TENM2: variants seen among roughly 807,000 people sequenced by gnomAD.
TENM2 encodes the protein teneurin-2.
A neutral mutation model predicts 245.2 loss-of-function variants in TENM2; 52 were observed. That is an observed-to-expected ratio of 0.21 (90% CI 0.17 to 0.27). TENM2 has a LOEUF of 0.27. Ranked by LOEUF, TENM2 falls within the 10% of genes least tolerant of loss-of-function variation. The probability of loss-of-function intolerance (pLI) is 1.00; values close to 1 mark genes in which losing one functional copy is unlikely to be tolerated. For synonymous variants in TENM2, 1,363 were observed against 1,438.9 expected (o/e 0.95, Z 1.19); for missense variants, 3,046 against 3,666.8 (o/e 0.83, Z 4.37).
At chr5:167,685,763 G>A (rs920956598) in intron 2 of TENM2, among the ~76,000 whole-genome samples, 1 of 152,166 alleles carries the variant, frequency 6.6e-6, no homozygotes. Context: ...AAAACACACT[G>A]TGTTCCTGTT....
At chr5:167,738,747 T>C (rs1179174545) in intron 2 of TENM2, among the ~76,000 whole-genome samples, 1 of 152,110 alleles carries the variant, frequency 6.6e-6, no homozygotes, top group Admixed American at 6.6e-5. Context: ...GATGGCCACC[T>C]CCTCACAGCA....
intron 2 of TENM2, among the ~76,000 whole-genome samples, chr5:167,456,315 G>C (rs933027197): frequency 6.6e-6 from 1 of 152,154 alleles, no homozygotes. Flanking sequence ...TTATTCCATA[G>C]GTAGTTAATG....
chr5:167,785,183 C>T (rs1214160644), intron 2 of TENM2, among the ~76,000 whole-genome samples: 2 of 152,156 alleles, frequency 1.3e-5, no homozygotes, highest in East Asian at 1.9e-4. Flanking sequence ...CTCTCTCATT[C>T]GCCTATCCTG....
rs3083428 is a variant in TENM2 at position 168,097,603 on chromosome 5, C to CGT, written c.1712-402_1712-401dup. Among the ~76,000 whole-genome samples the CGT allele has an allele frequency of 2.8e-3, 413 of 149,270 alleles. 1 individual carries two copies. The highest frequency in any genetic ancestry group is 7.3e-3 in the African/African-American group (295 of 40,550). ...CCACGTCCAGCTAATTGTGTGTGTG[C>CGT]GTGTGTGTGTGTGTGTGTGTGTATT... On this transcript the variant is annotated intron_variant, in intron 8 of 28. Coordinates refer to ENST00000518659, the Ensembl canonical transcript of TENM2.
chr5:167,976,746 G>A (rs1453782104), intron 4 of TENM2, among the ~76,000 whole-genome samples: 3 of 152,158 alleles, frequency 2.0e-5, no homozygotes, highest in African/African-American at 4.8e-5. Flanking sequence ...CATAAGTACT[G>A]TTTATAATAC....
chr5:167,873,321 G>A (rs867584780), intron 2 of TENM2, among the ~76,000 whole-genome samples: 3 of 152,224 alleles, frequency 2.0e-5, no homozygotes, highest in African/African-American at 4.8e-5. Flanking sequence ...ACGCAGAAAC[G>A]TGATCTGCTG....
intron 2 of TENM2, among the ~76,000 whole-genome samples, chr5:167,686,329 G>C (rs944824234): frequency 3.3e-5 from 5 of 152,186 alleles, no homozygotes; most frequent in Non-Finnish European, 5.9e-5. Context: ...AAAGTCTGCT[G>C]TCTTAGGTGA....
At chr5:167,442,120 A>G (rs1764913058) in intron 2 of TENM2, among the ~76,000 whole-genome samples, 1 of 152,194 alleles carries the variant, frequency 6.6e-6, no homozygotes, top group Admixed American at 6.5e-5. Flanking sequence ...TTGAAAACCC[A>G]GGCCCCTTCC....
intron 2 of TENM2, among the ~76,000 whole-genome samples, chr5:167,769,382 G>T (rs1391898871): frequency 6.6e-6 from 1 of 152,196 alleles, no homozygotes; most frequent in Non-Finnish European, 1.5e-5. Flanking sequence ...TGGTCACCAT[G>T]ATAACATTTA....
the TENM2 span, among the ~76,000 whole-genome samples, chr5:167,064,293 G>C: frequency 6.6e-6 from 1 of 152,070 alleles, no homozygotes; most frequent in Admixed American, 6.6e-5. Flanking sequence ...AACTTCCACG[G>C]CCCAATTTGT....
the TENM2 span, among the ~76,000 whole-genome samples, chr5:167,113,489 A>G: frequency 1.3e-5 from 2 of 151,952 alleles, no homozygotes; most frequent in Non-Finnish European, 2.9e-5. Flanking sequence ...AAAAAATACA[A>G]AAAATTAACT....
chr5:167,968,033 C>G (rs1224078555), intron 4 of TENM2, among the ~76,000 whole-genome samples: 1 of 152,132 alleles, frequency 6.6e-6, no homozygotes, highest in African/African-American at 2.4e-5. Flanking sequence ...TCTGAAGGCA[C>G]CTTTGATTTA....
chr5:167,155,073 C>T, the TENM2 span, among the ~76,000 whole-genome samples: 118 of 152,216 alleles, frequency 7.8e-4, no homozygotes, highest in African/African-American at 2.6e-3. Context: ...TTGGTAAAGA[C>T]AAAATTCGTT....
chr5:167,132,979 C>T, the TENM2 span, among the ~76,000 whole-genome samples: 1 of 152,090 alleles, frequency 6.6e-6, no homozygotes, highest in Non-Finnish European at 1.5e-5. Flanking sequence ...ATTAATGTAC[C>T]AGCATTAACT....
At chr5:167,173,100 C>T in the TENM2 span, among the ~76,000 whole-genome samples, 1 of 152,156 alleles carries the variant, frequency 6.6e-6, no homozygotes, top group South Asian at 2.1e-4. Context: ...TGGTGTTAGG[C>T]TCAGAATTCC....
At chr5:168,160,798 G>A (rs888354809) in intron 12 of TENM2, among the ~76,000 whole-genome samples, 1 of 152,096 alleles carries the variant, frequency 6.6e-6, no homozygotes, top group Non-Finnish European at 1.5e-5. Context: ...GGCTGAGGCT[G>A]GAGGGTCATT....
chr5:167,498,819 T>G (rs1768986430), intron 2 of TENM2, among the ~76,000 whole-genome samples: 1 of 152,152 alleles, frequency 6.6e-6, no homozygotes, highest in South Asian at 2.1e-4. Context: ...CTTTTTTATT[T>G]CAGGAGAGGA....
the TENM2 span, among the ~76,000 whole-genome samples, chr5:167,219,993 A>G: frequency 6.6e-6 from 1 of 152,224 alleles, no homozygotes; most frequent in East Asian, 1.9e-4. Context: ...TTGATTGTGC[A>G]TGAAATCTTA....
intron 25 of TENM2, among the ~76,000 whole-genome samples, chr5:168,235,860 G>A (rs986981735): frequency 1.3e-5 from 2 of 152,054 alleles, no homozygotes; most frequent in South Asian, 2.1e-4. Flanking sequence ...GTACGGTGGA[G>A]CTAATACGGA....
Sources: gnomAD v4.1 joint callset for allele counts (sites outside exome capture counted in the v4.1 genomes callset) on GRCh38, gnomAD v4.1.1 for gene constraint, MANE v1.5 for transcripts, NCBI Gene and HGNC (gene_info 2026-07-23, HGNC 2026-07-21) for gene names.